HEMK2: variants seen among roughly 807,000 people sequenced by gnomAD.
The protein encoded by HEMK2 is methyltransferase HEMK2.
the HEMK2 span, among the ~76,000 whole-genome samples, chr21:28,644,907 C>T: frequency 2.6e-5 from 4 of 152,124 alleles, no homozygotes; most frequent in African/African-American, 9.7e-5. Context: ...AGTTTAAGAA[C>T]CTCTCTAGAC....
chr21:28,822,926 T>G, the HEMK2 span, among the ~76,000 whole-genome samples: 1 of 152,166 alleles, frequency 6.6e-6, no homozygotes, highest in African/African-American at 2.4e-5. Context: ...TGCTGACAAC[T>G]GTAGTATGTT....
the HEMK2 span, among the ~76,000 whole-genome samples, chr21:28,847,268 C>CAA: frequency 1.3e-5 from 2 of 152,182 alleles, no homozygotes; most frequent in Non-Finnish European, 2.9e-5. Flanking sequence ...CTTTTCTCTG[C>CAA]AACCTCACCA....
At chr21:28,678,608 T>A in the HEMK2 span, among the ~76,000 whole-genome samples, 1 of 152,054 alleles carries the variant, frequency 6.6e-6, no homozygotes, top group Non-Finnish European at 1.5e-5. Flanking sequence ...TCACCAAAGT[T>A]GAAATGAAGG....
the HEMK2 span, among the ~76,000 whole-genome samples, chr21:28,643,266 AGGTTG>A: frequency 6.6e-6 from 1 of 152,300 alleles, no homozygotes; most frequent in East Asian, 1.9e-4. Context: ...TGGTGGCAGG[AGGTTG>A]GGACTTCAGA....
the HEMK2 span, among the ~76,000 whole-genome samples, chr21:28,661,769 A>T: frequency 6.6e-6 from 1 of 152,164 alleles, no homozygotes; most frequent in African/African-American, 2.4e-5. Context: ...AGTAGCCAGT[A>T]GCCACGTGTG....
the HEMK2 span, among the ~76,000 whole-genome samples, chr21:28,861,103 G>C: frequency 6.6e-6 from 1 of 152,208 alleles, no homozygotes; most frequent in Non-Finnish European, 1.5e-5. Context: ...GATTCGTGAA[G>C]GCAGCACCTG....
At chr21:28,608,676 G>A in the HEMK2 span, among the ~76,000 whole-genome samples, 2 of 152,140 alleles carry the variant, frequency 1.3e-5, no homozygotes, top group Non-Finnish European at 1.5e-5. Context: ...AGCCATGCTC[G>A]CCGGCTGCCT....
At chr21:28,729,137 G>A in the HEMK2 span, among the ~76,000 whole-genome samples, 1 of 152,170 alleles carries the variant, frequency 6.6e-6, no homozygotes, top group East Asian at 1.9e-4. Context: ...TAATCTTCTA[G>A]GTTTCTCTGT....
At chr21:28,840,265 G>T in the HEMK2 span, among the ~76,000 whole-genome samples, 1 of 152,116 alleles carries the variant, frequency 6.6e-6, no homozygotes, top group Non-Finnish European at 1.5e-5. Context: ...AAAAATTCTA[G>T]AAGATAACAT....
chr21:28,882,867 TGA>T, the HEMK2 span: 2 of 578,822 alleles, frequency 3.5e-6, no homozygotes, highest in African/African-American at 3.9e-5. Context: ...GTTTGTAATC[TGA>T]GTTTTTGCTA....
At chr21:28,678,298 T>C in the HEMK2 span, among the ~76,000 whole-genome samples, 2 of 152,248 alleles carry the variant, frequency 1.3e-5, no homozygotes, top group East Asian at 1.9e-4. Flanking sequence ...GTCTCAGTGA[T>C]GGAATATCAT....
At chr21:28,680,527 G>A in the HEMK2 span, among the ~76,000 whole-genome samples, 1 of 152,134 alleles carries the variant, frequency 6.6e-6, no homozygotes, top group Non-Finnish European at 1.5e-5. Flanking sequence ...TAGAAAAAGA[G>A]GGAATCCTCC....
At chr21:28,746,445 C>T in the HEMK2 span, among the ~76,000 whole-genome samples, 889 of 152,260 alleles carry the variant, frequency 5.8e-3, 6 homozygotes, top group African/African-American at 0.021. Flanking sequence ...ACTGAGAATG[C>T]AGAGATCAGT....
chr21:28,719,979 T>C, the HEMK2 span, among the ~76,000 whole-genome samples: 2 of 152,216 alleles, frequency 1.3e-5, no homozygotes, highest in Non-Finnish European at 1.5e-5. Context: ...TCAGTGGACA[T>C]ACTGTAAAAC....
the HEMK2 span, among the ~76,000 whole-genome samples, chr21:28,631,501 G>A: frequency 6.6e-6 from 1 of 152,212 alleles, no homozygotes; most frequent in East Asian, 1.9e-4. Flanking sequence ...GGAAATATGT[G>A]TAGTAGAAAC....
the HEMK2 span, among the ~76,000 whole-genome samples, chr21:28,721,925 C>T: frequency 9.5e-5 from 14 of 146,774 alleles, no homozygotes; most frequent in African/African-American, 3.7e-4. Flanking sequence ...CACACACACA[C>T]ACACACACAC....
chr21:28,606,920 T>C, the HEMK2 span, among the ~76,000 whole-genome samples: 3 of 152,208 alleles, frequency 2.0e-5, no homozygotes, highest in African/African-American at 7.2e-5. Flanking sequence ...TTTGGCCAAC[T>C]TGCTAAAGTG....
chr21:28,599,198 G>A, the HEMK2 span, among the ~76,000 whole-genome samples: 7 of 152,294 alleles, frequency 4.6e-5, no homozygotes, highest in South Asian at 6.2e-4. Context: ...GAATATCAAC[G>A]TTCTTGATGG....
the HEMK2 span, among the ~76,000 whole-genome samples, chr21:28,595,773 C>CTTCATTTA: frequency 6.7e-6 from 1 of 149,330 alleles, no homozygotes; most frequent in Non-Finnish European, 1.5e-5. Context: ...TTTTATTTTA[C>CTTCATTTA]TTTATTTATT....
Sources: gnomAD v4.1 joint callset for allele counts (sites outside exome capture counted in the v4.1 genomes callset) on GRCh38, gnomAD v4.1.1 for gene constraint, MANE v1.5 for transcripts, NCBI Gene and HGNC (gene_info 2026-07-23, HGNC 2026-07-21) for gene names.